TTLL11: variants seen among roughly 807,000 people sequenced by gnomAD.
The protein encoded by TTLL11 is tubulin tyrosine ligase like 11, also known as tubulin polyglutamylase TTLL11.
Under a neutral mutation model 51.7 loss-of-function variants are expected in TTLL11, and 42 were observed. The observed-to-expected ratio is 0.81, with a 90% CI of 0.64 to 1.05. The LOEUF (loss-of-function observed/expected upper bound fraction) is 1.05. TTLL11 is among the 50% of genes least tolerant of loss of function. TTLL11 has a pLI of 0.00. For synonymous variants in TTLL11, 381 were observed against 383.5 expected (o/e 0.99, Z 0.08); for missense variants, 799 against 940.4 (o/e 0.85, Z 1.97).
intron 8 of TTLL11, among the ~76,000 whole-genome samples, chr9:121,838,858 T>C (rs1033141180): frequency 4.0e-5 from 6 of 150,110 alleles, no homozygotes; most frequent in African/African-American, 1.5e-4. Flanking sequence ...TCCCCCACTT[T>C]AAACTCTTCA....
At chr9:121,828,609 G>C (rs369467805) in intron 8 of TTLL11, among the ~76,000 whole-genome samples, 1 of 151,984 alleles carries the variant, frequency 6.6e-6, no homozygotes, top group Non-Finnish European at 1.5e-5. Flanking sequence ...TCACCACCCC[G>C]TCCCTGTTGA....
At position 121,873,831 on chromosome 9, in the gene TTLL11, C is replaced by CTTTTTTTT. The variant is rs71508142; in HGVS notation, c.1482-3091_1482-3084dup. ...CAGGTGTGCACCACCATTAGCCTGA[C>CTTTTTTTT]TTTTTTTTTTTTTTTTTTTTTTTGA... On this transcript the variant is annotated intron_variant, in intron 6 of 8. Coordinates refer to ENST00000321582, the MANE Select transcript of TTLL11 (RefSeq NM_001139442.2). Among the ~76,000 whole-genome samples, 31 of 77,396 alleles carry CTTTTTTTT rather than the reference C, an allele frequency of 4.0e-4. 4 individuals carry two copies. Among genetic ancestry groups the CTTTTTTTT allele is most frequent in the African/African-American group, 1.5e-3 (26 of 16,978 alleles). 50.8% of individuals were successfully genotyped at this position (77,396 alleles called of 152,430 possible).
intron 1 of TTLL11, among the ~76,000 whole-genome samples, chr9:122,083,998 C>A (rs939867225): frequency 6.6e-6 from 1 of 152,030 alleles, no homozygotes; most frequent in African/African-American, 2.4e-5. Context: ...GGAATTGGAA[C>A]GAAGTTATTT....
chr9:121,876,559 T>G (rs2131407947), intron 6 of TTLL11, among the ~76,000 whole-genome samples: 1 of 152,282 alleles, frequency 6.6e-6, no homozygotes, highest in African/African-American at 2.4e-5. Context: ...GGACCCTGAA[T>G]GTGAGAGAAA....
intron 6 of TTLL11, among the ~76,000 whole-genome samples, chr9:121,959,234 C>T (rs1842131215): frequency 6.6e-6 from 1 of 152,158 alleles, no homozygotes; most frequent in Non-Finnish European, 1.5e-5. Flanking sequence ...GTTCACCCCA[C>T]TTCACCACAT....
intron 3 of TTLL11, among the ~76,000 whole-genome samples, chr9:122,025,225 C>G (rs1844295673): frequency 6.6e-6 from 1 of 152,038 alleles, no homozygotes; most frequent in Non-Finnish European, 1.5e-5. Context: ...GGCAAACAAG[C>G]ACATGAAAAG....
At position 121,946,104 on chromosome 9, in the gene TTLL11, G is replaced by A. The variant is rs575292809; in HGVS notation, c.1481+27905C>T. Among the ~76,000 whole-genome samples the A allele has an allele frequency of 2.6e-5, 4 of 152,244 alleles. No homozygotes were observed. The South Asian group carries it at 6.2e-4, about 24-fold the overall frequency. On this transcript the variant is annotated intron_variant, in intron 6 of 8. Coordinates refer to ENST00000321582, the MANE Select transcript of TTLL11 (RefSeq NM_001139442.2). Reference sequence around the variant, plus strand: ...GCATTCCTTCTGCTGGGTTCATAACGGGCACTAAATAAGTATTTGTTGAAT... The same window carrying A: ...GCATTCCTTCTGCTGGGTTCATAACAGGCACTAAATAAGTATTTGTTGAAT...
rs1340617488 is a variant in TTLL11 at position 121,818,556 on chromosome 9, T to A, written c.*4031A>T. 1 of 152,226 alleles carries A rather than the reference T, an allele frequency of 6.6e-6. No individual in the cohort carries two copies. The highest frequency in any genetic ancestry group is 2.4e-5 in the African/African-American group (1 of 41,446). 9.4% of individuals were successfully genotyped at this position (152,226 alleles called of 1,614,324 possible). ...AGCTGGGTGGGAACCAATGCTGTGGTCCCACAGTGCGCGCGACAAGACAGG... is the reference window on the plus strand; with the variant it reads ...AGCTGGGTGGGAACCAATGCTGTGGACCCACAGTGCGCGCGACAAGACAGG... On this transcript the variant is annotated 3_prime_UTR_variant, in exon 9 of 9. Coordinates refer to ENST00000321582, the MANE Select transcript of TTLL11 (RefSeq NM_001139442.2).
chr9:121,917,475 A>AGAAAAAAAAGAAAAG (rs1840368265), intron 6 of TTLL11, among the ~76,000 whole-genome samples: 1 of 136,626 alleles, frequency 7.3e-6, no homozygotes, highest in African/African-American at 2.9e-5. Context: ...CACTGTTGAA[A>AGAAAAAAAAGAAAAG]GAAAGAAAAG....
intron 8 of TTLL11, among the ~76,000 whole-genome samples, chr9:121,847,409 G>T (rs1375950414): frequency 6.6e-6 from 1 of 151,774 alleles, no homozygotes; most frequent in Non-Finnish European, 1.5e-5. Flanking sequence ...AAGAGAAAAG[G>T]TTATTAGATT....
At chr9:121,891,854 A>C (rs1232225569) in intron 6 of TTLL11, among the ~76,000 whole-genome samples, 1 of 151,578 alleles carries the variant, frequency 6.6e-6, no homozygotes, top group Non-Finnish European at 1.5e-5. Flanking sequence ...AAAGGATTTG[A>C]GGGTTTAGTC....
chr9:121,943,063 ACGAT>A (rs1198715523), intron 6 of TTLL11, among the ~76,000 whole-genome samples: 1 of 152,174 alleles, frequency 6.6e-6, no homozygotes, highest in Non-Finnish European at 1.5e-5. Flanking sequence ...TCCTAATCAC[ACGAT>A]CGTGAAATGA....
At chr9:122,020,777 C>G (rs2131779241) in intron 3 of TTLL11, among the ~76,000 whole-genome samples, 1 of 152,286 alleles carries the variant, frequency 6.6e-6, no homozygotes, top group South Asian at 2.1e-4. Context: ...TTCTCTCTAC[C>G]AGGTAGGCAA....
chr9:121,980,423 G>T (rs1588172910), intron 4 of TTLL11, among the ~76,000 whole-genome samples: 1 of 152,284 alleles, frequency 6.6e-6, no homozygotes, highest in South Asian at 2.1e-4. Context: ...GTGAACTGTA[G>T]GAAAAGCACC....
At chr9:122,025,305 G>C (rs920819776) in intron 3 of TTLL11, among the ~76,000 whole-genome samples, 1 of 152,138 alleles carries the variant, frequency 6.6e-6, no homozygotes, top group East Asian at 1.9e-4. Flanking sequence ...ATACCTATTA[G>C]AATGGCTAAA....
chr9:122,009,656 C>T (rs1016787927), intron 3 of TTLL11, among the ~76,000 whole-genome samples: 11 of 150,898 alleles, frequency 7.3e-5, no homozygotes, highest in Admixed American at 3.3e-4. Flanking sequence ...ATATACTGTC[C>T]AGAGAAGAAT....
rs561144594 is a variant in TTLL11, at chr9:122,004,989, C to T, written c.694-15219G>A. On this transcript the variant is annotated intron_variant, in intron 3 of 8. Transcript: ENST00000321582. ...ACAATTTTGGCATTTCTAAAGGGTT[C>T]TCATAGGGGCTATAGGTAACACCCA... 1.6e-4 allele frequency among the ~76,000 whole-genome samples: 24 copies of T among 152,292 alleles called. No homozygotes were observed. The East Asian group carries it at 4.2e-3, about 27-fold the overall frequency.
intron 7 of TTLL11, among the ~76,000 whole-genome samples, chr9:121,863,989 C>A (rs1307839241): frequency 6.6e-6 from 1 of 152,162 alleles, no homozygotes; most frequent in Non-Finnish European, 1.5e-5. Flanking sequence ...AGGGTTGGAG[C>A]CTCTAAAGCA....
At chr9:122,019,840 C>T (rs567995632) in intron 3 of TTLL11, among the ~76,000 whole-genome samples, 1 of 152,304 alleles carries the variant, frequency 6.6e-6, no homozygotes, top group East Asian at 1.9e-4. Flanking sequence ...ATCATAGGGG[C>T]AGTTTCCCCC....
Sources: allele counts gnomAD v4.1 joint callset (sites outside exome capture counted in the v4.1 genomes callset), GRCh38; gene constraint gnomAD v4.1.1; transcripts MANE v1.5; gene names NCBI Gene and HGNC (gene_info 2026-07-23, HGNC 2026-07-21).